MGRN1: variants seen among roughly 807,000 people sequenced by gnomAD.
MGRN1 encodes the protein E3 ubiquitin-protein ligase MGRN1.
In MGRN1, 29 loss-of-function variants were observed where a neutral mutation model predicts 69.2. The ratio of observed to expected loss-of-function variants is 0.42; its 90% CI spans 0.31 to 0.57. The LOEUF is 0.57. MGRN1 is among the 20% of genes least tolerant of loss of function. The pLI is 0.15. For missense variants in MGRN1, 998 were observed against 796.2 expected, an observed-to-expected ratio of 1.25 and a Z score of -3.05; for synonymous variants, 470 against 344.2, an observed-to-expected ratio of 1.37 and a Z score of -4.04.
chr16:4,667,497 G>C (rs1053771343), intron 7 of MGRN1, among the ~76,000 whole-genome samples: 1 of 152,256 alleles, frequency 6.6e-6, no homozygotes, highest in Non-Finnish European at 1.5e-5. Flanking sequence ...TCCTCTGGCA[G>C]AGGCAGATGG....
intron 4 of MGRN1, among the ~76,000 whole-genome samples, chr16:4,655,813 C>T (rs2078524174): frequency 6.6e-6 from 1 of 152,260 alleles, no homozygotes; most frequent in Non-Finnish European, 1.5e-5. Context: ...GGCAAGCCAC[C>T]CTCCCTGCCT....
Position 4,661,642 on chromosome 16 carries a change from C to G in MGRN1, c.562-3067C>G, listed in dbSNP as rs28575706. The stretch of plus-strand genomic sequence containing the variant: ...TGCCCTGCCAGCTCCTGGCTCCACC[C>G]TTCCTCACTAACAGAGACCACGGCA... On this transcript the variant is annotated intron_variant, in intron 5 of 16. Transcript: ENST00000262370. Among the ~76,000 whole-genome samples the G allele has an allele frequency of 7.0e-3, 1,070 of 152,388 alleles. 16 individuals are homozygous for G. The highest frequency in any genetic ancestry group is 0.025 in the African/African-American group (1,026 of 41,594).
At chr16:4,672,462 A>G (rs1166732911) in intron 9 of MGRN1, 1 of 456,658 alleles carries the variant, frequency 2.2e-6, no homozygotes, top group African/African-American at 2.0e-5. Flanking sequence ...CAACTGGAGC[A>G]GCTCCACGTG....
chr16:4,640,186 G>T (rs28731058), intron 1 of MGRN1: 16,068 of 152,348 alleles, frequency 0.11, 1,132 homozygotes, highest in African/African-American at 0.21. Context: ...GACACAAGAC[G>T]GGCCCAGAAG....
At chr16:4,641,200 ATTC>A (rs1377548865) in intron 1 of MGRN1, among the ~76,000 whole-genome samples, 1 of 152,202 alleles carries the variant, frequency 6.6e-6, no homozygotes, top group African/African-American at 2.4e-5. Flanking sequence ...CATGTGTGTC[ATTC>A]TTCTTGAGGC....
At chr16:4,636,686 AT>A (rs556527503) in intron 1 of MGRN1, among the ~76,000 whole-genome samples, 3 of 151,474 alleles carry the variant, frequency 2.0e-5, no homozygotes, top group Non-Finnish European at 2.9e-5. Flanking sequence ...GCTATTTTTA[AT>A]TTTTTTTCAA....
At chr16:4,652,588 C>G (rs1314633523) in intron 3 of MGRN1, 90 bp from the exon 4 acceptor site, 1 of 1,473,870 alleles carries the variant, frequency 6.8e-7, no homozygotes, top group Non-Finnish European at 9.1e-7. Flanking sequence ...ACATAGCCAC[C>G]TCCACGGCCC....
At chr16:4,667,436 C>A (rs1328574387) in intron 7 of MGRN1, among the ~76,000 whole-genome samples, 2 of 152,236 alleles carry the variant, frequency 1.3e-5, no homozygotes, top group Admixed American at 1.3e-4. Context: ...CCCAGCTGCT[C>A]TCCCCGGCCC....
intron 5 of MGRN1, among the ~76,000 whole-genome samples, chr16:4,659,865 C>T (rs986754712): frequency 6.6e-6 from 1 of 152,220 alleles, no homozygotes; most frequent in Non-Finnish European, 1.5e-5. Flanking sequence ...GGGTGGGGAT[C>T]TCTGTGGCTT....
At chr16:4,657,874 C>T (rs1403056356) in intron 5 of MGRN1, among the ~76,000 whole-genome samples, 1 of 150,558 alleles carries the variant, frequency 6.6e-6, no homozygotes, top group Non-Finnish European at 1.5e-5. Context: ...TCCCGAGTGG[C>T]TGGGACTACA....
intron 15 of MGRN1, 66 bp from the exon 16 acceptor site, chr16:4,683,777 G>C: frequency 6.9e-7 from 1 of 1,440,882 alleles, no homozygotes. Flanking sequence ...ACGGCCTCCT[G>C]CCCAGAGGGA....
intron 4 of MGRN1, among the ~76,000 whole-genome samples, chr16:4,656,877 T>C (rs1234656911): frequency 7.0e-6 from 1 of 142,186 alleles, no homozygotes; most frequent in Admixed American, 7.6e-5. Flanking sequence ...GAGACTCTTA[T>C]CTCAAAAATA....
intron 4 of MGRN1, 140 bp from the exon 5 acceptor site, chr16:4,657,106 A>T: frequency 1.3e-6 from 1 of 760,388 alleles, no homozygotes; most frequent in Non-Finnish European, 2.2e-6. Context: ...GTGGCCATGT[A>T]GGCTGTTTGC....
chr16:4,671,329 G>T (rs771547820), intron 8 of MGRN1, 62 bp from the exon 9 acceptor site: 15 of 1,534,820 alleles, frequency 9.8e-6, no homozygotes, highest in African/African-American at 1.4e-5. Flanking sequence ...GGCCAGGTGG[G>T]TATGGAGGAG....
At chr16:4,686,315 C>T (rs841225) in intron 16 of MGRN1, 882,667 of 1,543,100 alleles carry the variant, frequency 0.57, 255,071 homozygotes, top group East Asian at 0.66. Context: ...TACGTGACCT[C>T]CCAGACGCGC....
Position 4,671,400 on chromosome 16 carries a change from G to A in MGRN1, c.736G>A (p.Val246Ile), listed in dbSNP as rs376381693. 8.9e-5 allele frequency: 143 copies of A among 1,613,980 alleles called. No homozygotes were observed. The highest frequency in any genetic ancestry group is 6.2e-5 in the Non-Finnish European group (73 of 1,179,992). Residue 246 changes from valine (V) to isoleucine (I), a missense_variant, in exon 9 of 17, where the codon GTC becomes ATC. Val to Ile is a conservative substitution (Grantham distance 29). Coordinates refer to ENST00000262370, the MANE Select transcript of MGRN1 (RefSeq NM_015246.4). ...CCTCTCTGCTCTCCAGGTGGACCGG[G>A]TCAGCTACCTCCTGCAGGAGATCTA... is the stretch of plus-strand genomic sequence containing the variant. ...PLKQKQIVDR[V>I]SYLLQEIYGI... is the part of the protein sequence containing the mutation.
At chr16:4,642,714 G>C (rs1228599690) in intron 1 of MGRN1, among the ~76,000 whole-genome samples, 5 of 151,894 alleles carry the variant, frequency 3.3e-5, no homozygotes, top group African/African-American at 1.2e-4. Flanking sequence ...TGATTTGCCT[G>C]CCCTGGCCTC....
chr16:4,648,630 A>G (rs557170878), intron 1 of MGRN1, among the ~76,000 whole-genome samples: 224 of 28,136 alleles, frequency 8.0e-3, no homozygotes, highest in Admixed American at 0.024. Context: ...TCCTCCCGGG[A>G]CTCTTCCCGT....
intron 4 of MGRN1, 134 bp downstream of exon 4, chr16:4,652,958 G>T (rs1264700553): frequency 8.4e-7 from 1 of 1,194,452 alleles, no homozygotes; most frequent in African/African-American, 1.6e-5. Context: ...ACTTTACCAC[G>T]ATGTGAGGGG....
Sources: allele counts gnomAD v4.1 joint callset (sites outside exome capture counted in the v4.1 genomes callset), GRCh38; gene constraint gnomAD v4.1.1; transcripts MANE v1.5; gene names NCBI Gene and HGNC (gene_info 2026-07-23, HGNC 2026-07-21).